The following HEG1 variants were observed in gnomAD, a reference collection of about 807,000 sequenced individuals.
The protein encoded by HEG1 is protein HEG homolog 1.
Under a neutral mutation model 125.6 loss-of-function variants are expected in HEG1, and 56 were observed. The ratio of observed to expected loss-of-function variants is 0.45; its 90% CI spans 0.36 to 0.56. HEG1 has a LOEUF of 0.56. Among genes scored for constraint, HEG1 ranks in the 20% least tolerant of loss-of-function variants. HEG1 has a pLI of 0.00. For missense variants in HEG1, 1,523 were observed against 1,670.0 expected (o/e 0.91, Z 1.53); for synonymous variants, 644 against 668.5 (o/e 0.96, Z 0.57).
At chr3:125,043,945 C>T (rs894684929) in intron 1 of HEG1, among the ~76,000 whole-genome samples, 25 of 152,202 alleles carry the variant, frequency 1.6e-4, no homozygotes, top group African/African-American at 3.9e-4. Flanking sequence ...CTGGGCAGCC[C>T]GGCCTGGGCC....
chr3:124,997,790 C>A lies in HEG1; in HGVS notation c.3551G>T (p.Cys1184Phe). ...GSLCKRKSPE[C>F]DKDTSICTDL... ...AGTGCAGATGGAGGTGTCTTTGTCACATTCGGGACTCTTCCGCTTGCACAA... is the reference window on the plus strand; with the variant it reads ...AGTGCAGATGGAGGTGTCTTTGTCAAATTCGGGACTCTTCCGCTTGCACAA... The change falls in exon 12 of 17, where the codon TGT becomes TTT. Residue 1184 changes from cysteine (C) to phenylalanine (F), a missense_variant. Physicochemically the swap from Cys to Phe is radical, Grantham distance 205 (BLOSUM62 -2). Coordinates refer to ENST00000311127, the MANE Select transcript of HEG1 (RefSeq NM_020733.2). 1 of 1,592,608 alleles carries A rather than the reference C, an allele frequency of 6.3e-7. No individual in the cohort carries two copies. The highest frequency in any genetic ancestry group is 8.6e-7 in the Non-Finnish European group (1 of 1,165,930).
In HEG1 at chr3:125,013,964, G is replaced by A. The variant is rs780064939; in HGVS notation, c.1615C>T (p.Arg539Cys). ...GTCCTTTGTTCAATAGCTGTGCCAC[G>A]CACTTGACCGTAGCTAATCCCAGCG... Reference protein sequence around the residue: ...SIAGISYGQVRGTAIEQRTSS... With the variant: ...SIAGISYGQVCGTAIEQRTSS... The change falls in exon 6 of 17, where the codon CGT becomes TGT. Residue 539 changes from arginine to cysteine, a missense_variant. Coordinates refer to ENST00000311127, the MANE Select transcript of HEG1 (RefSeq NM_020733.2). 5.0e-6 allele frequency: 8 copies of A among 1,610,692 alleles called. No homozygotes were observed. Among genetic ancestry groups the A allele is most frequent in the East Asian group, 2.2e-5 (1 of 44,848 alleles).
intron 12 of HEG1, among the ~76,000 whole-genome samples, chr3:124,997,130 A>AG (rs1440369319): frequency 6.6e-6 from 1 of 152,226 alleles, no homozygotes; most frequent in Non-Finnish European, 1.5e-5. Flanking sequence ...CAGCTTACAA[A>AG]GGGCCTCTAT....
chr3:125,036,642 T>G (rs2981538), intron 1 of HEG1, among the ~76,000 whole-genome samples: 2 of 151,978 alleles, frequency 1.3e-5, no homozygotes, highest in Non-Finnish European at 2.9e-5. Flanking sequence ...ATGTACCCCT[T>G]GTAGACAAAG....
At position 124,966,213 on chromosome 3, in the gene HEG1, A is replaced by G. The variant is rs1023598921; in HGVS notation, c.*4439T>C. 1.3e-4 allele frequency: 20 copies of G among 152,204 alleles called. No individual in the cohort carries two copies. The highest frequency in any genetic ancestry group is 4.8e-4 in the African/African-American group (20 of 41,454). The allele number at this position is 152,204 out of a possible 1,614,324, so 9.4% of individuals were successfully genotyped here. ...GCATTTTAAAAATCTGAATATGCAA[A>G]TTCTTCAAAATGTCCTCTTTGAAAA... On this transcript the variant is annotated 3_prime_UTR_variant, in exon 17 of 17. Transcript: ENST00000311127.
rs778978034 is a variant in HEG1 at position 125,012,993 on chromosome 3, G to A, written c.2586C>T (p.Ser862=). 3 of 1,613,934 alleles carry A rather than the reference G, an allele frequency of 1.9e-6. No individual in the cohort carries two copies. The highest frequency in any genetic ancestry group is 1.7e-5 in the Admixed American group (1 of 60,014). ...PLMTTPGTLS[S]TASLVTGPIA... ...TAGGGCCAGTGACCAGAGATGCTGTGCTTGACAGGGTGCCAGGAGTGGTCA... is the reference window on the plus strand; with the variant it reads ...TAGGGCCAGTGACCAGAGATGCTGTACTTGACAGGGTGCCAGGAGTGGTCA... The change falls in exon 6 of 17, where the codon AGC becomes AGT. Residue 862 remains serine (S), a synonymous_variant. Coordinates refer to ENST00000311127, the MANE Select transcript of HEG1 (RefSeq NM_020733.2).
At chr3:125,041,201 A>G (rs1162357438) in intron 1 of HEG1, among the ~76,000 whole-genome samples, 1 of 152,140 alleles carries the variant, frequency 6.6e-6, no homozygotes, top group African/African-American at 2.4e-5. Context: ...TAGCATCCAT[A>G]CTGCTTTACA....
Position 124,965,723 on chromosome 3 carries a change from A to G in HEG1, c.*4929T>C, listed in dbSNP as rs1936297428. The G allele has an allele frequency of 6.6e-6, 1 of 152,184 alleles. No individual in the cohort carries two copies. Among genetic ancestry groups the G allele is most frequent in the Non-Finnish European group, 1.5e-5 (1 of 68,040 alleles). The allele number at this position is 152,184 out of a possible 1,614,324, so 9.4% of individuals were successfully genotyped here. On this transcript the variant is annotated 3_prime_UTR_variant, in exon 17 of 17. Transcript: ENST00000311127. ...GAAAACACACAATGAAAATGATATT[A>G]ATTTTATTGCATCATTTTACTGACT...
chr3:125,042,262 T>C (rs559272696), intron 1 of HEG1, among the ~76,000 whole-genome samples: 1 of 152,166 alleles, frequency 6.6e-6, no homozygotes, highest in South Asian at 2.1e-4. Context: ...ACCCTGTCTG[T>C]ATTAAAACTA....
intron 11 of HEG1, among the ~76,000 whole-genome samples, chr3:125,000,995 C>G (rs1936991080): frequency 6.6e-6 from 1 of 152,230 alleles, no homozygotes; most frequent in Non-Finnish European, 1.5e-5. Flanking sequence ...GGAGGTGAAA[C>G]TTCTCCTCTA....
chr3:124,983,338 T>G (rs6776522), intron 14 of HEG1, among the ~76,000 whole-genome samples: 1 of 151,728 alleles, frequency 6.6e-6, no homozygotes, highest in Non-Finnish European at 1.5e-5. Flanking sequence ...TGCCTTTTAT[T>G]TTTTAATCTT....
At chr3:125,015,279 C>T (rs1937228026) in intron 5 of HEG1, among the ~76,000 whole-genome samples, 1 of 152,154 alleles carries the variant, frequency 6.6e-6, no homozygotes, top group African/African-American at 2.4e-5. Context: ...GATTTCTGCT[C>T]AGTGATACAT....
rs113899913 is a variant in HEG1 at position 125,021,078 on chromosome 3, T to G, written c.966A>C (p.Ser322=). The change falls in exon 4 of 17, where the codon TCA becomes TCC. Residue 322 remains serine (S), a synonymous_variant. Coordinates refer to ENST00000311127, the MANE Select transcript of HEG1 (RefSeq NM_020733.2). Reference sequence around the variant, plus strand: ...CATGCATTGTCTTTGTTTGACTGACTGAGGAGCTCTGGAGGCCAGTGGAGT... The same window carrying G: ...CATGCATTGTCTTTGTTTGACTGACGGAGGAGCTCTGGAGGCCAGTGGAGT... ...LNNSTGLQSS[S]VSQTKTMHVA... 6.4e-5 allele frequency: 102 copies of G among 1,600,728 alleles called. No homozygotes were observed. In the African/African-American group the frequency reaches 9.6e-4, roughly 15 times the overall value.
Position 125,029,508 on chromosome 3 carries a change from C to G in HEG1, c.317-20G>C. 6.3e-7 allele frequency: 1 copy of G among 1,580,394 alleles called. No individual in the cohort carries two copies. Among genetic ancestry groups the G allele is most frequent in the East Asian group, 2.2e-5 (1 of 44,508 alleles). On this transcript the variant is annotated intron_variant, in intron 1 of 16. Coordinates refer to ENST00000311127, the MANE Select transcript of HEG1 (RefSeq NM_020733.2). ...CAGCATCTGAAAGAAGAAGAGGATG[C>G]ATCAGGGAGAGTTTGCTGGCTTCTG... is the stretch of plus-strand genomic sequence containing the variant.
intron 16 of HEG1, among the ~76,000 whole-genome samples, chr3:124,971,781 C>A (rs1200062722): frequency 7.0e-6 from 1 of 142,848 alleles, no homozygotes; most frequent in Admixed American, 7.5e-5. Context: ...TGAGCCACTG[C>A]GCCCGGCCTT....
At chr3:125,002,402 A>G in intron 9 of HEG1, 87 bp from the exon 10 acceptor site, 1 of 1,215,628 alleles carries the variant, frequency 8.2e-7, no homozygotes, top group Non-Finnish European at 1.2e-6. Flanking sequence ...AGGATAAAAC[A>G]GGCATTTTCC....
At chr3:125,003,430 T>C (rs1393407223) in intron 9 of HEG1, among the ~76,000 whole-genome samples, 1 of 152,146 alleles carries the variant, frequency 6.6e-6, no homozygotes, top group Non-Finnish European at 1.5e-5. Context: ...AAGGGACAAG[T>C]ATAGGATTAG....
rs1242478075 is a variant in HEG1 at position 124,997,727 on chromosome 3, C to T, written c.3614G>A (p.Gly1205Glu). The T allele has an allele frequency of 1.9e-6, 3 of 1,594,064 alleles. No homozygotes were observed. The highest frequency in any genetic ancestry group is 1.7e-4 in the Middle Eastern group (1 of 6,004). The stretch of plus-strand genomic sequence containing the variant: ...GTCCATCTTGTTGAACTGAAAGTAT[C>T]CCGACTTGCACTGGCACAGGGCAAC... ...DGVALCQCKS[G>E]YFQFNKMDHS... The change falls in exon 12 of 17, where the codon GGA (glycine) becomes GAA (glutamate). Residue 1205 changes from glycine (G) to glutamate (E), a missense_variant. Gly to Glu is a moderately conservative substitution (Grantham distance 98). Coordinates refer to ENST00000311127, the MANE Select transcript of HEG1 (RefSeq NM_020733.2).
chr3:125,036,870 C>CT (rs1204400509), intron 1 of HEG1, among the ~76,000 whole-genome samples: 2 of 152,160 alleles, frequency 1.3e-5, no homozygotes, highest in African/African-American at 4.8e-5. Flanking sequence ...TAACACAGTC[C>CT]TTTTGGTGAG....
Sources: allele counts gnomAD v4.1 joint callset (sites outside exome capture counted in the v4.1 genomes callset), GRCh38; gene constraint gnomAD v4.1.1; transcripts MANE v1.5; gene names NCBI Gene and HGNC (gene_info 2026-07-23, HGNC 2026-07-21).